MNAT1: variants seen among roughly 807,000 people sequenced by gnomAD.
MNAT1 encodes the protein CDK-activating kinase assembly factor MAT1.
A neutral mutation model predicts 42.0 loss-of-function variants in MNAT1; 43 were observed. That is an observed-to-expected ratio of 1.02 (90% CI 0.80 to 1.32). The LOEUF is 1.32. Ranked by LOEUF, MNAT1 falls within the 40% of genes most tolerant of loss-of-function variation. MNAT1 has a pLI of 0.00. For missense variants in MNAT1, 306 were observed against 350.4 expected (o/e 0.87, Z 1.01); for synonymous variants, 118 against 120.0 (o/e 0.98, Z 0.11).
chr14:60,792,677 G>C (rs759742230), intron 1 of MNAT1, among the ~76,000 whole-genome samples: 1 of 152,068 alleles, frequency 6.6e-6, no homozygotes, highest in Admixed American at 6.6e-5. Flanking sequence ...ATTTGACATG[G>C]AATATAGTTG....
intron 7 of MNAT1, among the ~76,000 whole-genome samples, chr14:60,908,194 CTTAT>C (rs1017069728): frequency 3.2e-4 from 48 of 152,084 alleles, no homozygotes; most frequent in South Asian, 1.2e-3. Context: ...TAGTTTGTTA[CTTAT>C]TTCTTTCATG....
chr14:60,770,515 T>G (rs2054420691), intron 1 of MNAT1, among the ~76,000 whole-genome samples: 1 of 152,192 alleles, frequency 6.6e-6, no homozygotes, highest in African/African-American at 2.4e-5. Flanking sequence ...TCCATAATGA[T>G]TGCACCATTT....
intron 6 of MNAT1, among the ~76,000 whole-genome samples, chr14:60,829,887 A>T (rs1387682525): frequency 4.6e-5 from 7 of 152,198 alleles, no homozygotes; most frequent in African/African-American, 1.7e-4. Flanking sequence ...AGATAATTAT[A>T]TTGAGTGCCA....
chr14:60,741,924 T>A (rs1896480353), intron 1 of MNAT1, among the ~76,000 whole-genome samples: 1 of 152,038 alleles, frequency 6.6e-6, no homozygotes. Flanking sequence ...ACTAGTCCAT[T>A]ATATCTAATT....
In MNAT1 at chr14:60,802,365, G is replaced by T. The variant is rs139071963; in HGVS notation, c.316+4205G>T. On this transcript the variant is annotated intron_variant, in intron 3 of 7. Coordinates refer to ENST00000261245, the MANE Select transcript of MNAT1 (RefSeq NM_002431.4). ...TGCTACAAAAAAATAAGCATGTCAG[G>T]TGATGGATATGTTAATTAATTAGAT... is the stretch of plus-strand genomic sequence containing the variant. 4.0e-4 allele frequency among the ~76,000 whole-genome samples: 61 copies of T among 152,164 alleles called. No homozygotes were observed. In the East Asian group the frequency reaches 0.012, roughly 29 times the overall value.
chr14:60,756,635 A>T (rs921623461), intron 1 of MNAT1, among the ~76,000 whole-genome samples: 2 of 152,190 alleles, frequency 1.3e-5, no homozygotes, highest in African/African-American at 2.4e-5. Context: ...AAATAAAGCA[A>T]GTATAAAGTT....
intron 1 of MNAT1, 107 bp downstream of exon 1, chr14:60,735,058 C>G: frequency 9.6e-7 from 1 of 1,037,750 alleles, no homozygotes; most frequent in Non-Finnish European, 1.5e-6. Context: ...TTGTTAGTTT[C>G]AACACTGGGG....
At chr14:60,828,036 A>C (rs996996203) in intron 6 of MNAT1, among the ~76,000 whole-genome samples, 3 of 152,170 alleles carry the variant, frequency 2.0e-5, no homozygotes, top group Non-Finnish European at 2.9e-5. Flanking sequence ...GACCTAAATA[A>C]AATTTTTATG....
intron 6 of MNAT1, among the ~76,000 whole-genome samples, chr14:60,848,786 A>AAG (rs2033745705): frequency 6.6e-6 from 1 of 152,168 alleles, no homozygotes; most frequent in Non-Finnish European, 1.5e-5. Context: ...AGGACTATAT[A>AAG]ATCTTAATAA....
chr14:60,915,014 A>G (rs114601642), intron 7 of MNAT1, among the ~76,000 whole-genome samples: 1 of 152,328 alleles, frequency 6.6e-6, no homozygotes, highest in African/African-American at 2.4e-5. Context: ...AGGTGAGAGA[A>G]GATGCTGATT....
rs189128005 is a variant in MNAT1, at chr14:60,778,771, T to G, written c.90-17446T>G. ...TAAAGGTACAACTGAGATGCCAGAT[T>G]GGAGGTGATCCTCTACAAGGATGGG... On this transcript the variant is annotated intron_variant, in intron 1 of 7. Coordinates refer to ENST00000261245, the MANE Select transcript of MNAT1 (RefSeq NM_002431.4). 2.1e-3 allele frequency among the ~76,000 whole-genome samples: 315 copies of G among 152,286 alleles called. 2 individuals are homozygous for G. The highest frequency in any genetic ancestry group is 6.4e-3 in the African/African-American group (265 of 41,570).
Position 60,756,119 on chromosome 14 carries a change from A to G in MNAT1, c.89+21168A>G, listed in dbSNP as rs117729283. ...TTCATTATGATGCTTAGATTATTTG[A>G]TAGCCTATTTAATGGACTATGGGAT... On this transcript the variant is annotated intron_variant, in intron 1 of 7. Coordinates refer to ENST00000261245, the MANE Select transcript of MNAT1 (RefSeq NM_002431.4). 1.7e-3 allele frequency among the ~76,000 whole-genome samples: 266 copies of G among 152,230 alleles called. No individual in the cohort carries two copies. The East Asian group carries it at 0.028, about 16-fold the overall frequency.
intron 1 of MNAT1, among the ~76,000 whole-genome samples, chr14:60,748,906 T>A (rs1272972868): frequency 1.3e-5 from 2 of 152,220 alleles, no homozygotes; most frequent in Admixed American, 1.3e-4. Context: ...CTGTGCATAA[T>A]TGCATATGCT....
intron 6 of MNAT1, among the ~76,000 whole-genome samples, chr14:60,833,894 T>G (rs1196676305): frequency 1.3e-5 from 2 of 152,208 alleles, no homozygotes; most frequent in Non-Finnish European, 2.9e-5. Flanking sequence ...TCTTCCTGGT[T>G]TAGTCTTGGG....
intron 1 of MNAT1, among the ~76,000 whole-genome samples, chr14:60,788,777 T>C (rs1047742392): frequency 6.6e-6 from 1 of 152,176 alleles, no homozygotes; most frequent in Non-Finnish European, 1.5e-5. Flanking sequence ...TCCTCACCTT[T>C]CTCAACCTTT....
chr14:60,833,916 G>T (rs2033296730), intron 6 of MNAT1, among the ~76,000 whole-genome samples: 1 of 152,132 alleles, frequency 6.6e-6, no homozygotes, highest in Non-Finnish European at 1.5e-5. Flanking sequence ...GGATGTATGT[G>T]TCCAGGAATT....
At chr14:60,805,409 CATT>C (rs1331814921) in intron 3 of MNAT1, among the ~76,000 whole-genome samples, 1 of 152,132 alleles carries the variant, frequency 6.6e-6, no homozygotes, top group Non-Finnish European at 1.5e-5. Context: ...ATTGAGATAT[CATT>C]ATCACACAAA....
chr14:60,768,348 G>A (rs2030919159), intron 1 of MNAT1, among the ~76,000 whole-genome samples: 1 of 152,178 alleles, frequency 6.6e-6, no homozygotes, highest in Admixed American at 6.5e-5. Flanking sequence ...ATTTTGAAGA[G>A]TTACATGTTT....
chr14:60,908,636 T>C (rs2035271594), intron 7 of MNAT1, among the ~76,000 whole-genome samples: 1 of 152,246 alleles, frequency 6.6e-6, no homozygotes, highest in Admixed American at 6.5e-5. Flanking sequence ...TCCATGTCCC[T>C]ATAAAGGACA....
Sources: allele counts gnomAD v4.1 joint callset (sites outside exome capture counted in the v4.1 genomes callset), GRCh38; gene constraint gnomAD v4.1.1; transcripts MANE v1.5; gene names NCBI Gene and HGNC (gene_info 2026-07-23, HGNC 2026-07-21).